IL23R: variants seen among roughly 807,000 people sequenced by gnomAD.
IL23R encodes the protein interleukin-23 receptor.
A neutral mutation model predicts 56.9 loss-of-function variants in IL23R; 34 were observed. The observed-to-expected ratio is 0.60, with a 90% CI of 0.45 to 0.80. IL23R has a LOEUF of 0.80. Ranked by LOEUF, IL23R falls within the 30% of genes least tolerant of loss-of-function variation. The probability of loss-of-function intolerance (pLI) is 0.00; values close to 1 mark genes in which losing one functional copy is unlikely to be tolerated. For missense variants in IL23R, 635 were observed against 730.0 expected (o/e 0.87, Z 1.50); for synonymous variants, 230 against 249.2 (o/e 0.92, Z 0.73).
At chr1:67,167,934 G>T (rs78978661) in intron 1 of IL23R, among the ~76,000 whole-genome samples, 158 bp from the exon 2 acceptor site, 2 of 150,270 alleles carry the variant, frequency 1.3e-5, no homozygotes, top group East Asian at 1.9e-4. Context: ...ACATTTCTTT[G>T]CTCTGTTTCC....
chr1:67,216,026 C>A (rs1350706113), intron 6 of IL23R, among the ~76,000 whole-genome samples: 1 of 152,180 alleles, frequency 6.6e-6, no homozygotes, highest in East Asian at 1.9e-4. Flanking sequence ...GGAGCCCTCC[C>A]AACTCTCATG....
chr1:67,200,660 C>A, intron 4 of IL23R, 77 bp from the exon 5 acceptor site: 2 of 1,450,226 alleles, frequency 1.4e-6, no homozygotes, highest in Non-Finnish European at 1.9e-6. Flanking sequence ...GCTAGGATTA[C>A]AGGTGTGAGC....
At position 67,200,722 on chromosome 1, in the gene IL23R, T is replaced by A; in HGVS notation, c.492-15T>A. The A allele has an allele frequency of 1.2e-6, 2 of 1,611,198 alleles. No homozygotes were observed. Among genetic ancestry groups the A allele is most frequent in the South Asian group, 2.2e-5 (2 of 91,010 alleles). On this transcript the variant is annotated splice_polypyrimidine_tract_variant and intron_variant, in intron 4 of 10. Transcript: ENST00000347310. Reference sequence around the variant, plus strand: ...CTAAATACAATTTATGATCATCTTTTTTTTTTGTTTTAAGTTTAGAGACAG... The same window carrying A: ...CTAAATACAATTTATGATCATCTTTATTTTTTGTTTTAAGTTTAGAGACAG...
chr1:67,141,558 G>A (rs1209765092), intron 1 of IL23R, among the ~76,000 whole-genome samples: 1 of 152,134 alleles, frequency 6.6e-6, no homozygotes, highest in African/African-American at 2.4e-5. Context: ...AGGAGATCAA[G>A]ACCAGCGTAG....
chr1:67,166,794 T>C (rs1646878331), intron 1 of IL23R, among the ~76,000 whole-genome samples: 1 of 152,212 alleles, frequency 6.6e-6, no homozygotes, highest in African/African-American at 2.4e-5. Flanking sequence ...GAATTACTAT[T>C]GCTAACAAAT....
intron 4 of IL23R, among the ~76,000 whole-genome samples, chr1:67,183,593 G>C (rs1256604654): frequency 6.6e-6 from 1 of 151,866 alleles, no homozygotes; most frequent in Non-Finnish European, 1.5e-5. Context: ...CTTCTTCTAG[G>C]GTTTCAACAA....
intron 7 of IL23R, among the ~76,000 whole-genome samples, chr1:67,224,562 T>C (rs1650495210): frequency 6.6e-6 from 1 of 152,248 alleles, no homozygotes; most frequent in Admixed American, 6.5e-5. Context: ...GGCATTCTTA[T>C]TCTTTTCTGT....
At chr1:67,175,373 A>G (rs1447405526) in intron 3 of IL23R, among the ~76,000 whole-genome samples, 1 of 152,168 alleles carries the variant, frequency 6.6e-6, no homozygotes, top group Non-Finnish European at 1.5e-5. Flanking sequence ...CATTTTTACC[A>G]TGGTTAAGTG....
intron 8 of IL23R, among the ~76,000 whole-genome samples, chr1:67,238,954 A>C (rs561618585): frequency 6.6e-6 from 1 of 152,298 alleles, no homozygotes; most frequent in South Asian, 2.1e-4. Flanking sequence ...TATGTGAAAT[A>C]ACTAGGGTGG....
At chr1:67,204,002 A>G (rs112685823) in intron 5 of IL23R, among the ~76,000 whole-genome samples, 2 of 152,254 alleles carry the variant, frequency 1.3e-5, no homozygotes, top group Non-Finnish European at 2.9e-5. Flanking sequence ...AAAGGCTATA[A>G]TCTCGCTTTT....
At chr1:67,225,483 G>A (rs1189646150) in intron 7 of IL23R, among the ~76,000 whole-genome samples, 1 of 151,332 alleles carries the variant, frequency 6.6e-6, no homozygotes, top group Non-Finnish European at 1.5e-5. Flanking sequence ...TCATAGTAGG[G>A]TCTGTGGACA....
intron 1 of IL23R, among the ~76,000 whole-genome samples, chr1:67,154,913 G>T (rs1335888162): frequency 6.6e-6 from 1 of 152,168 alleles, no homozygotes; most frequent in African/African-American, 2.4e-5. Flanking sequence ...GCATGTTTTT[G>T]TAGTGGCTGG....
chr1:67,212,888 T>C (rs1489382746), intron 6 of IL23R, among the ~76,000 whole-genome samples: 3 of 151,124 alleles, frequency 2.0e-5, no homozygotes, highest in Non-Finnish European at 4.4e-5. Flanking sequence ...TTTTTTTTTC[T>C]TTTTAGACAG....
Position 67,169,755 on chromosome 1 carries a change from T to C in IL23R, c.367+117T>C. 5.0e-6 allele frequency: 5 copies of C among 1,001,832 alleles called. 1 individual carries two copies. Among genetic ancestry groups the C allele is most frequent in the Non-Finnish European group, 7.7e-6 (5 of 651,078 alleles). 62.1% of individuals were successfully genotyped at this position (1,001,832 alleles called of 1,614,324 possible). On this transcript the variant is annotated intron_variant, in intron 3 of 10. Transcript: ENST00000347310. ...AATATAGTTCAGTTTTTAGATTAGT[T>C]TCATACAGGAGCTGCAAACTCAAAT...
chr1:67,213,964 C>A (rs918429278), intron 6 of IL23R, among the ~76,000 whole-genome samples: 1 of 152,132 alleles, frequency 6.6e-6, no homozygotes, highest in African/African-American at 2.4e-5. Flanking sequence ...CTAGCTTAGA[C>A]CAGGTTGGAA....
intron 6 of IL23R, among the ~76,000 whole-genome samples, chr1:67,213,135 C>A (rs1388064233): frequency 6.6e-6 from 1 of 152,136 alleles, no homozygotes. Context: ...GCTGAGATTA[C>A]AGGTGCGAGC....
At chr1:67,148,474 T>A (rs537802658) in intron 1 of IL23R, among the ~76,000 whole-genome samples, 1 of 152,232 alleles carries the variant, frequency 6.6e-6, no homozygotes, top group African/African-American at 2.4e-5. Context: ...GCTTTTAGCC[T>A]AATTGGTATT....
At chr1:67,227,944 T>TCTTTC (rs1650735330) in intron 7 of IL23R, among the ~76,000 whole-genome samples, 1 of 6,056 alleles carries the variant, frequency 1.7e-4, no homozygotes. Flanking sequence ...ACAAAGATCT[T>TCTTTC]TCTTTCTTTC....
chr1:67,164,347 A>T (rs1231618663), upstream of IL23R, among the ~76,000 whole-genome samples: 1 of 151,986 alleles, frequency 6.6e-6, no homozygotes. Context: ...AATACAAAAA[A>T]CCAGACCGGG....
Sources: allele counts gnomAD v4.1 joint callset (sites outside exome capture counted in the v4.1 genomes callset), GRCh38; gene constraint gnomAD v4.1.1; transcripts MANE v1.5; gene names NCBI Gene and HGNC (gene_info 2026-07-23, HGNC 2026-07-21).